ZNF407: variants seen among roughly 807,000 people sequenced by gnomAD.
The protein encoded by ZNF407 is zinc finger protein 407.
Under a neutral mutation model 131.2 loss-of-function variants are expected in ZNF407, and 17 were observed. The ratio of observed to expected loss-of-function variants is 0.13; its 90% CI spans 0.09 to 0.19. The LOEUF (loss-of-function observed/expected upper bound fraction) is 0.19. Among genes scored for constraint, ZNF407 ranks in the 10% least tolerant of loss-of-function variants. ZNF407 has a pLI of 1.00. For missense variants in ZNF407, 2,681 were observed against 2,830.6 expected, an observed-to-expected ratio of 0.95 and a Z score of 1.20; for synonymous variants, 1,156 against 1,062.0, an observed-to-expected ratio of 1.09 and a Z score of -1.72.
chr18:75,043,861 C>A (rs534561664), intron 8 of ZNF407, among the ~76,000 whole-genome samples: 1 of 152,220 alleles, frequency 6.6e-6, no homozygotes, highest in Middle Eastern at 3.4e-3. Context: ...TGGCAGGTAT[C>A]CGGATATAAA....
chr18:74,653,421 G>C (rs1985313964), intron 3 of ZNF407, among the ~76,000 whole-genome samples: 1 of 151,810 alleles, frequency 6.6e-6, no homozygotes, highest in Admixed American at 6.6e-5. Context: ...CCTAGAAAAT[G>C]ATGGGCCTTT....
intron 3 of ZNF407, among the ~76,000 whole-genome samples, chr18:74,762,217 G>A (rs72971364): frequency 0.077 from 11,666 of 151,792 alleles, 567 homozygotes; most frequent in East Asian, 0.13. Context: ...GCCAAGTCAG[G>A]GGTTGACTTC....
intron 3 of ZNF407, among the ~76,000 whole-genome samples, chr18:74,658,754 G>A (rs1240071267): frequency 6.6e-6 from 1 of 152,108 alleles, no homozygotes; most frequent in East Asian, 1.9e-4. Flanking sequence ...AGGAGTGTCT[G>A]ACTTGGGTTG....
chr18:74,767,383 T>G (rs1187739328), intron 3 of ZNF407, among the ~76,000 whole-genome samples: 1 of 152,214 alleles, frequency 6.6e-6, no homozygotes, highest in Non-Finnish European at 1.5e-5. Context: ...CCGGAAGCAC[T>G]GCATGTTTTT....
chr18:74,699,081 C>T (rs578093176), intron 3 of ZNF407, among the ~76,000 whole-genome samples: 17 of 152,166 alleles, frequency 1.1e-4, no homozygotes, highest in Non-Finnish European at 2.4e-4. Context: ...TCTCTCCTTT[C>T]CCAGGTTTTT....
intron 7 of ZNF407, among the ~76,000 whole-genome samples, chr18:74,899,140 T>C (rs1249143072): frequency 6.6e-6 from 1 of 152,188 alleles, no homozygotes; most frequent in African/African-American, 2.4e-5. Flanking sequence ...CCAAAAGCAG[T>C]AGGGAGCCAG....
In ZNF407 at chr18:74,961,224, T is replaced by C. The variant is rs547299596; in HGVS notation, c.5428+40532T>C. Among the ~76,000 whole-genome samples, 49 of 152,310 alleles carry C rather than the reference T, an allele frequency of 3.2e-4. 1 individual carries two copies. Among genetic ancestry groups the C allele is most frequent in the Admixed American group, 1.8e-3 (28 of 15,306 alleles). On this transcript the variant is annotated intron_variant, in intron 8 of 8. Coordinates refer to ENST00000299687, the MANE Select transcript of ZNF407 (RefSeq NM_017757.3). Reference sequence around the variant, plus strand: ...TTTAACTTTACATTTGTTATACTCCTTTAATTCTCACAGTAAGTCTTTGTT... The same window carrying C: ...TTTAACTTTACATTTGTTATACTCCCTTAATTCTCACAGTAAGTCTTTGTT...
intron 7 of ZNF407, among the ~76,000 whole-genome samples, chr18:74,893,750 A>G (rs1245263024): frequency 6.6e-6 from 1 of 152,158 alleles, no homozygotes; most frequent in African/African-American, 2.4e-5. Flanking sequence ...CATATTTCCT[A>G]AGAAGAAAAT....
chr18:74,707,451 A>G (rs1341298909), intron 3 of ZNF407, among the ~76,000 whole-genome samples: 5 of 151,866 alleles, frequency 3.3e-5, no homozygotes, highest in Non-Finnish European at 7.4e-5. Flanking sequence ...TGAATTTTTG[A>G]TTATTTGCAT....
intron 3 of ZNF407, among the ~76,000 whole-genome samples, chr18:74,742,455 T>C (rs1968571102): frequency 6.6e-6 from 1 of 152,190 alleles, no homozygotes; most frequent in Admixed American, 6.5e-5. Flanking sequence ...TTTTTTTCTG[T>C]AAGAACTGCA....
intron 8 of ZNF407, among the ~76,000 whole-genome samples, chr18:75,034,404 T>A (rs1241336415): frequency 3.4e-5 from 5 of 149,096 alleles, no homozygotes; most frequent in African/African-American, 1.2e-4. Context: ...CCCGGGTTCA[T>A]GCCATTCTCC....
intron 4 of ZNF407, among the ~76,000 whole-genome samples, chr18:74,827,707 A>T (rs774742106): frequency 1.3e-5 from 2 of 152,198 alleles, no homozygotes; most frequent in African/African-American, 2.4e-5. Flanking sequence ...GATGCTAAGA[A>T]ATCCTTATGC....
intron 7 of ZNF407, among the ~76,000 whole-genome samples, chr18:74,906,266 T>G (rs771212379): frequency 6.6e-6 from 1 of 152,222 alleles, no homozygotes; most frequent in Non-Finnish European, 1.5e-5. Flanking sequence ...TTCCCTGTTT[T>G]GATTATAGTA....
intron 8 of ZNF407, among the ~76,000 whole-genome samples, chr18:74,994,366 G>A (rs528864406): frequency 2.6e-5 from 4 of 152,264 alleles, no homozygotes; most frequent in South Asian, 2.1e-4. Flanking sequence ...CATTATTTCC[G>A]CTTAAAAAGT....
intron 4 of ZNF407, among the ~76,000 whole-genome samples, chr18:74,792,391 G>T (rs576515859): frequency 1.3e-5 from 2 of 150,708 alleles, no homozygotes; most frequent in Admixed American, 6.6e-5. Flanking sequence ...CATTGTCACT[G>T]TGCATTATAG....
chr18:74,750,408 A>G (rs1968772888), intron 3 of ZNF407, among the ~76,000 whole-genome samples: 1 of 152,180 alleles, frequency 6.6e-6, no homozygotes, highest in Non-Finnish European at 1.5e-5. Flanking sequence ...TCATATGTAA[A>G]TCATCAGCTT....
intron 3 of ZNF407, among the ~76,000 whole-genome samples, chr18:74,771,775 C>T (rs1331652438): frequency 6.6e-6 from 1 of 151,098 alleles, no homozygotes; most frequent in Non-Finnish European, 1.5e-5. Flanking sequence ...TGACTTGTTT[C>T]ATAGGTCATT....
intron 7 of ZNF407, among the ~76,000 whole-genome samples, chr18:74,916,803 T>TGTGTGTGTGC (rs1971777463): frequency 6.7e-6 from 1 of 148,624 alleles, no homozygotes; most frequent in African/African-American, 2.5e-5. Flanking sequence ...TGTGTGTGTG[T>TGTGTGTGTGC]GCATGTGTGT....
chr18:75,047,074 T>C (rs1389796261), intron 8 of ZNF407, among the ~76,000 whole-genome samples: 3 of 152,196 alleles, frequency 2.0e-5, no homozygotes, highest in African/African-American at 7.2e-5. Context: ...ATATACATCT[T>C]AAAAATTGGA....
Sources: gnomAD v4.1 joint callset for allele counts (sites outside exome capture counted in the v4.1 genomes callset) on GRCh38, gnomAD v4.1.1 for gene constraint, MANE v1.5 for transcripts, NCBI Gene and HGNC (gene_info 2026-07-23, HGNC 2026-07-21) for gene names.